The following FABP6 variants were observed in gnomAD, a reference collection of about 807,000 sequenced individuals.
The protein encoded by FABP6 is gastrotropin.
In FABP6, 13 loss-of-function variants were observed where a neutral mutation model predicts 14.9. That is an observed-to-expected ratio of 0.87 (90% CI 0.57 to 1.39). FABP6 has a LOEUF of 1.39. Among genes scored for constraint, FABP6 ranks in the 40% most tolerant of loss-of-function variants. FABP6 has a pLI of 0.00. For synonymous variants in FABP6, 75 were observed against 63.6 expected (o/e 1.18, Z -0.85); for missense variants, 161 against 167.2 (o/e 0.96, Z 0.20).
chr5:160,226,592 T>C (rs188937664), upstream of FABP6, among the ~76,000 whole-genome samples: 5 of 151,560 alleles, frequency 3.3e-5, no homozygotes, highest in East Asian at 9.7e-4. Flanking sequence ...TTTGGCAAGG[T>C]ATACTTTGTC....
At chr5:160,205,647 CA>C (rs1322730904) in intron 2 of FABP6, among the ~76,000 whole-genome samples, 2 of 152,234 alleles carry the variant, frequency 1.3e-5, no homozygotes, top group African/African-American at 2.4e-5. Flanking sequence ...TAGCCAATGA[CA>C]TTTGGAAAGA....
chr5:160,238,491 C>A, intron 3 of FABP6, 115 bp from the exon 4 acceptor site: 2 of 819,924 alleles, frequency 2.4e-6, no homozygotes, highest in Non-Finnish European at 4.1e-6. Flanking sequence ...AGAAGTGGTG[C>A]GCCTGACTCT....
At chr5:160,236,836 G>T (rs1392550287) in intron 3 of FABP6, among the ~76,000 whole-genome samples, 7 of 149,412 alleles carry the variant, frequency 4.7e-5, no homozygotes, top group African/African-American at 1.7e-4. Flanking sequence ...AAAAAAATTA[G>T]CCAGGTGTGG....
In FABP6 at chr5:160,234,873, C is replaced by T. The variant is rs763205398; in HGVS notation, c.297C>T (p.His99=). The T allele has an allele frequency of 6.2e-7, 1 of 1,611,228 alleles. No individual in the cohort carries two copies. Among genetic ancestry groups the T allele is most frequent in the South Asian group, 1.1e-5 (1 of 90,474 alleles). Residue 99 remains histidine, a synonymous_variant, in exon 3 of 4, where the codon CAC becomes CAT. Transcript: ENST00000402432. ...TGGTGGTGAATTTCCCCAACTATCACCAGACCTCAGAGATCGTGGGTGACA... is the reference window on the plus strand; with the variant it reads ...TGGTGGTGAATTTCCCCAACTATCATCAGACCTCAGAGATCGTGGGTGACA... The part of the protein sequence containing the change: ...GKLVVNFPNY[H]QTSEIVGDKL...
intron 3 of FABP6, among the ~76,000 whole-genome samples, chr5:160,236,637 C>T (rs1306041438): frequency 2.0e-5 from 3 of 152,092 alleles, no homozygotes; most frequent in Non-Finnish European, 4.4e-5. Flanking sequence ...CTGCCCAGGC[C>T]CACGGGTCTT....
At chr5:160,223,362 T>TTCCTTCCTTCC (rs530428957) in intron 3 of FABP6, among the ~76,000 whole-genome samples, 888 of 33,068 alleles carry the variant, frequency 0.027, 34 homozygotes, top group African/African-American at 0.069. Context: ...TCCTTCCTTC[T>TTCCTTCCTTCC]TTCCCTCCCT....
chr5:160,236,545 G>A (rs1221198975), intron 3 of FABP6, among the ~76,000 whole-genome samples: 1 of 152,186 alleles, frequency 6.6e-6, no homozygotes, highest in Non-Finnish European at 1.5e-5. Flanking sequence ...GAGACAGCAA[G>A]GGACTTGGCC....
chr5:160,214,779 C>T (rs1042079651), intron 3 of FABP6, among the ~76,000 whole-genome samples: 2 of 148,864 alleles, frequency 1.3e-5, no homozygotes, highest in African/African-American at 5.0e-5. Context: ...CATAGGGAGA[C>T]CCTGTCTCTA....
chr5:160,189,392 C>T (rs1368718771), intron 1 of FABP6, among the ~76,000 whole-genome samples: 1 of 152,072 alleles, frequency 6.6e-6, no homozygotes, highest in East Asian at 1.9e-4. Context: ...CAGGCGCCCA[C>T]CACCACACCC....
intron 1 of FABP6, among the ~76,000 whole-genome samples, chr5:160,192,807 C>G (rs1349321114): frequency 6.6e-6 from 1 of 152,214 alleles, no homozygotes; most frequent in Non-Finnish European, 1.5e-5. Context: ...CAGTGTGGCT[C>G]CTGGATCATA....
exon 2 of FABP6, chr5:160,199,087 GCTGGTCCA>G (rs777059808): frequency 6.2e-7 from 1 of 1,614,056 alleles, no homozygotes; most frequent in Non-Finnish European, 8.5e-7. Flanking sequence ...ACAGGCAGGG[GCTGGTCCA>G]GCCCAGAGGC....
upstream of FABP6, chr5:160,228,687 C>T (rs746939055): frequency 5.3e-6 from 2 of 377,430 alleles, no homozygotes; most frequent in Non-Finnish European, 1.0e-5. Context: ...GCACCTTCTC[C>T]TCCAGGTGCG....
chr5:160,234,380 C>CTTTTT (rs35775372), intron 2 of FABP6, among the ~76,000 whole-genome samples: 1 of 84,118 alleles, frequency 1.2e-5, no homozygotes, highest in Non-Finnish European at 2.2e-5. Context: ...AGAAATCTGA[C>CTTTTT]TTTTTTTTTT....
chr5:160,222,267 T>C lies in FABP6; in HGVS notation c.136-7279T>C, dbSNP rs962262712. Among the ~76,000 whole-genome samples, 3 of 152,076 alleles carry C rather than the reference T, an allele frequency of 2.0e-5. No individual in the cohort carries two copies. In the East Asian group the frequency reaches 5.8e-4, roughly 29 times the overall value. On this transcript the variant is annotated intron_variant, in intron 3 of 6. Coordinates refer to the FABP6 transcript ENST00000393980. ...GCCACTACACCTGCTAATTTTTAAA[T>C]TTTTAGTAGAGATGAGGTCTCTATA... is the stretch of plus-strand genomic sequence containing the variant.
At chr5:160,194,168 C>A (rs888801169) in intron 1 of FABP6, among the ~76,000 whole-genome samples, 2 of 152,228 alleles carry the variant, frequency 1.3e-5, no homozygotes, top group African/African-American at 4.8e-5. Flanking sequence ...CCGGGGCCAG[C>A]AGGGCCGGCC....
intron 1 of FABP6, among the ~76,000 whole-genome samples, chr5:160,196,392 C>A (rs1403702800): frequency 6.6e-6 from 1 of 152,192 alleles, no homozygotes; most frequent in Non-Finnish European, 1.5e-5. Context: ...AAAAGGAAAC[C>A]TGATGGGGCT....
intron 2 of FABP6, among the ~76,000 whole-genome samples, chr5:160,202,534 C>T (rs923096864): frequency 1.3e-5 from 2 of 152,214 alleles, no homozygotes; most frequent in African/African-American, 2.4e-5. Flanking sequence ...TGGTGGCTCA[C>T]GCCCGTAATC....
chr5:160,232,337 A>G lies in FABP6; in HGVS notation c.243+64A>G, dbSNP rs184541600. ...TCCATCTGACTTCTCCTTCTCAAAC[A>G]TGGCCTCCCCGCTCCCGAGCTGAGG... On this transcript the variant is annotated intron_variant, in intron 2 of 3. Transcript: ENST00000402432. 2.5e-4 allele frequency: 366 copies of G among 1,464,128 alleles called. 4 individuals carry two copies. The East Asian group carries it at 7.2e-3, about 29-fold the overall frequency. The allele number at this position is 1,464,128 out of a possible 1,614,324, so 90.7% of individuals were successfully genotyped here. A position where few individuals can be genotyped will look rare whatever the true frequency, so the allele number is the denominator to read the frequency against.
At chr5:160,188,701 C>T (rs1047847956) in intron 1 of FABP6, among the ~76,000 whole-genome samples, 20 of 152,378 alleles carry the variant, frequency 1.3e-4, no homozygotes, top group Non-Finnish European at 1.5e-4. Context: ...CTGTTAGCCA[C>T]GTGCTGGGTG....
Sources: gnomAD v4.1 joint callset for allele counts (sites outside exome capture counted in the v4.1 genomes callset) on GRCh38, gnomAD v4.1.1 for gene constraint, MANE v1.5 for transcripts, NCBI Gene and HGNC (gene_info 2026-07-23, HGNC 2026-07-21) for gene names.